The following AFAP1L2 variants were observed in gnomAD, a reference collection of about 807,000 sequenced individuals.
AFAP1L2 encodes the protein actin filament associated protein 1 like 2.
In AFAP1L2, 46 loss-of-function variants were observed where a neutral mutation model predicts 99.3. That is an observed-to-expected ratio of 0.46 (90% CI 0.37 to 0.59). The LOEUF is 0.59. Among genes scored for constraint, AFAP1L2 ranks in the 20% least tolerant of loss-of-function variants. The pLI is 0.00. For missense variants in AFAP1L2, 959 were observed against 1,034.9 expected, an observed-to-expected ratio of 0.93 and a Z score of 1.01; for synonymous variants, 397 against 419.1, an observed-to-expected ratio of 0.95 and a Z score of 0.64.
chr10:114,395,766 G>T (rs895613383), intron 1 of AFAP1L2, among the ~76,000 whole-genome samples: 1 of 152,070 alleles, frequency 6.6e-6, no homozygotes, highest in African/African-American at 2.4e-5. Flanking sequence ...TGCAGCCCAG[G>T]GAAGGAAACA....
In AFAP1L2 at chr10:114,311,052, G is replaced by T. The variant is rs921041781; in HGVS notation, c.793-609C>A. The stretch of plus-strand genomic sequence containing the variant: ...CTCTGTAAAGGCTGGACACAGAAAG[G>T]CTGTGCCTTCTGAAAGCGTTCTTGT... On this transcript the variant is annotated intron_variant, in intron 7 of 18. Transcript: ENST00000304129. Among the ~76,000 whole-genome samples the T allele has an allele frequency of 2.1e-5, 3 of 143,958 alleles. No homozygotes were observed. In the Admixed American group the frequency reaches 2.3e-4, roughly 11 times the overall value. The allele number at this position is 143,958 out of a possible 152,430, so 94.4% of individuals were successfully genotyped here. A position where few individuals can be genotyped will look rare whatever the true frequency, so the allele number is the denominator to read the frequency against.
intron 1 of AFAP1L2, among the ~76,000 whole-genome samples, chr10:114,382,065 G>A (rs1020266414): frequency 1.3e-5 from 2 of 152,250 alleles, no homozygotes; most frequent in African/African-American, 2.4e-5. Flanking sequence ...TTTTGCTGAT[G>A]AGAGTGAAAA....
chr10:114,335,429 G>A (rs575102458), intron 2 of AFAP1L2, among the ~76,000 whole-genome samples: 16 of 151,778 alleles, frequency 1.1e-4, no homozygotes, highest in South Asian at 1.0e-3. Context: ...TGGCTAACAT[G>A]GTGAAACCCC....
At chr10:114,286,071 ACT>A in the AFAP1L2 span, 1 of 1,613,664 alleles carries the variant, frequency 6.2e-7, no homozygotes, top group Non-Finnish European at 8.5e-7. Context: ...CTGAGCGAGG[ACT>A]CTCGGGCCCG....
chr10:114,383,434 AGAG>A (rs2056001188), intron 1 of AFAP1L2, among the ~76,000 whole-genome samples: 1 of 152,190 alleles, frequency 6.6e-6, no homozygotes, highest in East Asian at 1.9e-4. Context: ...ATTATCGCAG[AGAG>A]GAGAAAAAGA....
chr10:114,321,497 C>T (rs1338743970), intron 5 of AFAP1L2, among the ~76,000 whole-genome samples: 1 of 152,156 alleles, frequency 6.6e-6, no homozygotes, highest in Non-Finnish European at 1.5e-5. Context: ...TCTTTATCCC[C>T]CTCATTGGTT....
intron 5 of AFAP1L2, among the ~76,000 whole-genome samples, chr10:114,322,592 C>T (rs2045547694): frequency 1.3e-5 from 2 of 152,240 alleles, no homozygotes; most frequent in Admixed American, 1.3e-4. Flanking sequence ...CCCTGTCCTG[C>T]AGAAGCCCAG....
chr10:114,313,960 T>C lies in AFAP1L2; in HGVS notation c.703A>G (p.Lys235Glu). ...VIHKEKQVRK[K>E]EHKLKITPMN... is the part of the protein sequence containing the mutation. Reference sequence around the variant, plus strand: ...GGCGTGATCTTCAGCTTGTGCTCCTTCTTCCGCACTTGCTTCTCCTTGTGA... The same window carrying C: ...GGCGTGATCTTCAGCTTGTGCTCCTCCTTCCGCACTTGCTTCTCCTTGTGA... Residue 235 changes from lysine to glutamate, a missense_variant, in exon 7 of 19, where the codon AAG (lysine) becomes GAG (glutamate). This residue lies in a region of AFAP1L2 where 383 missense variants were observed against 472.8 expected (regional missense o/e 0.81). Transcript: ENST00000304129. The C allele has an allele frequency of 6.2e-7, 1 of 1,613,998 alleles. No homozygotes were observed. Among genetic ancestry groups the C allele is most frequent in the South Asian group, 1.1e-5 (1 of 91,072 alleles).
At chr10:114,367,686 T>C (rs939734994) in intron 1 of AFAP1L2, among the ~76,000 whole-genome samples, 2 of 152,028 alleles carry the variant, frequency 1.3e-5, no homozygotes, top group Non-Finnish European at 2.9e-5. Context: ...AACTTGCAAG[T>C]TTATTTCAGG....
chr10:114,404,521 G>T, upstream of AFAP1L2: 2 of 1,498,372 alleles, frequency 1.3e-6, no homozygotes, highest in Non-Finnish European at 8.8e-7. Flanking sequence ...TCGGCTCAGC[G>T]CCCAGGCCGC....
chr10:114,385,800 C>CA (rs1282317838), intron 1 of AFAP1L2, among the ~76,000 whole-genome samples: 1 of 152,214 alleles, frequency 6.6e-6, no homozygotes, highest in African/African-American at 2.4e-5. Flanking sequence ...CTGAGCAAAG[C>CA]AATGCCAAGA....
rs376093317 is a variant in AFAP1L2 at position 114,320,382 on chromosome 10, G to C, written c.406+2789C>G. Among the ~76,000 whole-genome samples the C allele has an allele frequency of 5.3e-5, 8 of 152,198 alleles. No individual in the cohort carries two copies. In the South Asian group the frequency reaches 6.2e-4, roughly 12 times the overall value. On this transcript the variant is annotated intron_variant, in intron 5 of 18. Coordinates refer to ENST00000304129, the MANE Select transcript of AFAP1L2 (RefSeq NM_001001936.3). Reference sequence around the variant, plus strand: ...CGCTATGGCCGCCAACTATAGCAAGGGGCTGGGGCCCCACGCCTATTCCTC... The same window carrying C: ...CGCTATGGCCGCCAACTATAGCAAGCGGCTGGGGCCCCACGCCTATTCCTC...
intron 1 of AFAP1L2, among the ~76,000 whole-genome samples, chr10:114,392,015 G>T (rs1255231641): frequency 6.6e-6 from 1 of 152,270 alleles, no homozygotes; most frequent in East Asian, 1.9e-4. Flanking sequence ...ACAGGTCCTG[G>T]TTCAGGGGTC....
At chr10:114,385,755 G>A (rs1333313514) in intron 1 of AFAP1L2, among the ~76,000 whole-genome samples, 1 of 152,196 alleles carries the variant, frequency 6.6e-6, no homozygotes, top group Non-Finnish European at 1.5e-5. Context: ...GCCTAGCTCA[G>A]GCAAACAAGT....
intron 7 of AFAP1L2, among the ~76,000 whole-genome samples, chr10:114,313,139 G>A (rs566123170): frequency 1.8e-4 from 28 of 151,948 alleles, no homozygotes; most frequent in Non-Finnish European, 4.1e-4. Context: ...AGGAGGGGAG[G>A]GGCAGCAGGA....
upstream of AFAP1L2, among the ~76,000 whole-genome samples, chr10:114,404,927 G>A (rs2058577056): frequency 6.6e-6 from 1 of 152,172 alleles, no homozygotes; most frequent in Non-Finnish European, 1.5e-5. Flanking sequence ...TCCAAGCTAG[G>A]AGGTTGAGAC....
chr10:114,320,682 C>T (rs1337083607), intron 5 of AFAP1L2, among the ~76,000 whole-genome samples: 2 of 152,232 alleles, frequency 1.3e-5, no homozygotes, highest in Admixed American at 6.5e-5. Context: ...TATGAACTCA[C>T]AGTTGAGAGA....
rs1038588094 is a variant in AFAP1L2, at chr10:114,308,038, A to G, written c.968-129T>C. The G allele has an allele frequency of 4.0e-5, 29 of 730,138 alleles. No homozygotes were observed. In the African/African-American group the frequency reaches 5.0e-4, roughly 13 times the overall value. The allele number at this position is 730,138 out of a possible 1,614,324, so 45.2% of individuals were successfully genotyped here. ...CCCTCCCCGCTACATATGCGCGCAC[A>G]TATGCACGCATACACACACACACAT... On this transcript the variant is annotated intron_variant, in intron 9 of 18. Transcript: ENST00000304129.
chr10:114,299,860 C>T (rs2040835657), intron 15 of AFAP1L2, among the ~76,000 whole-genome samples: 1 of 152,174 alleles, frequency 6.6e-6, no homozygotes, highest in South Asian at 2.1e-4. Context: ...ATGCTTCCTG[C>T]TCTTGAACAT....
Sources: gnomAD v4.1 joint callset for allele counts (sites outside exome capture counted in the v4.1 genomes callset) on GRCh38, gnomAD v4.1.1 for gene constraint, gnomAD v4.1.1 regional missense constraint, MANE v1.5 for transcripts, NCBI Gene and HGNC (gene_info 2026-07-23, HGNC 2026-07-21) for gene names.